Variants in AGAP3 observed in about 807,000 individuals in gnomAD.
The protein encoded by AGAP3 is ArfGAP with GTPase domain, ankyrin repeat and PH domain 3, also known as arf-GAP with GTPase, ANK repeat and PH domain-containing protein 3.
AGAP3 carries 24 observed loss-of-function variants against 96.9 expected under a neutral mutation model. The ratio of observed to expected loss-of-function variants is 0.25; its 90% CI spans 0.18 to 0.35. The LOEUF is 0.35. AGAP3 is among the 10% of genes least tolerant of loss of function. AGAP3 has a pLI of 1.00. For missense variants in AGAP3, 876 were observed against 1,254.2 expected (o/e 0.70, Z 4.55); for synonymous variants, 563 against 536.1 (o/e 1.05, Z -0.69).
chr7:151,100,882 T>C (rs1051397090), intron 1 of AGAP3, among the ~76,000 whole-genome samples: 4 of 152,142 alleles, frequency 2.6e-5, no homozygotes, highest in African/African-American at 9.7e-5. Context: ...TAGACCTGGC[T>C]CTGTCAGGAC....
chr7:151,126,366 A>AGAGCG (rs1253197109), intron 9 of AGAP3, among the ~76,000 whole-genome samples: 3 of 36,516 alleles, frequency 8.2e-5, no homozygotes, highest in Admixed American at 6.4e-4. Flanking sequence ...GGAGCAGAGC[A>AGAGCG]GAGCGGAGCG....
At chr7:151,088,996 G>A (rs528699857) in intron 1 of AGAP3, among the ~76,000 whole-genome samples, 3 of 151,986 alleles carry the variant, frequency 2.0e-5, no homozygotes, top group African/African-American at 7.3e-5. Flanking sequence ...CGACCCAGCC[G>A]CGGCTCACAC....
At chr7:151,128,513 G>T in intron 9 of AGAP3, 67 bp from the exon 10 acceptor site, 2 of 1,381,720 alleles carry the variant, frequency 1.4e-6, no homozygotes, top group South Asian at 2.4e-5. Flanking sequence ...TGACGACATC[G>T]TGACCTCCTC....
At chr7:151,090,284 G>GGT (rs1798339831) in intron 1 of AGAP3, 1 of 151,460 alleles carries the variant, frequency 6.6e-6, no homozygotes, top group Admixed American at 6.6e-5. Context: ...CTGACTATTA[G>GGT]GTGTGTGTGC....
intron 1 of AGAP3, among the ~76,000 whole-genome samples, chr7:151,088,355 T>C (rs1000836279): frequency 6.6e-6 from 1 of 152,236 alleles, no homozygotes; most frequent in African/African-American, 2.4e-5. Flanking sequence ...CTGAGTTCTC[T>C]GTGAACTAAT....
chr7:151,124,007 C>T (rs1024493548), intron 9 of AGAP3, 121 bp downstream of exon 9: 2 of 1,012,942 alleles, frequency 2.0e-6, no homozygotes, highest in Non-Finnish European at 1.4e-6. Context: ...CCAGCACCAC[C>T]CTCCTAGGCG....
intron 11 of AGAP3, among the ~76,000 whole-genome samples, chr7:151,135,635 A>G (rs1008821599): frequency 4.6e-5 from 7 of 152,192 alleles, no homozygotes; most frequent in Non-Finnish European, 1.0e-4. Flanking sequence ...CACCTGAACC[A>G]GGTGTGCTGG....
At chr7:151,107,866 C>T (rs750838880) in intron 1 of AGAP3, among the ~76,000 whole-genome samples, 2 of 152,238 alleles carry the variant, frequency 1.3e-5, no homozygotes, top group African/African-American at 2.4e-5. Context: ...GGCATAGAGC[C>T]GTACGATGCT....
Position 151,118,699 on chromosome 7 carries a change from C to T in AGAP3, c.969+67C>T. On this transcript the variant is annotated intron_variant, in intron 7 of 17. Coordinates refer to ENST00000397238, the MANE Select transcript of AGAP3 (RefSeq NM_031946.7). The surrounding 1 kb of genome is among the most constrained non-coding windows in gnomAD (Gnocchi z 6.1). ...GTCTGTCTTGCCTCTGTGCGTCCTGCCACTTCTGCTGGCCTCCTGCTCACA... is the reference window on the plus strand; with the variant it reads ...GTCTGTCTTGCCTCTGTGCGTCCTGTCACTTCTGCTGGCCTCCTGCTCACA... The T allele has an allele frequency of 1.3e-6, 2 of 1,574,208 alleles. No individual in the cohort carries two copies. Among genetic ancestry groups the T allele is most frequent in the Non-Finnish European group, 1.7e-6 (2 of 1,158,112 alleles).
At chr7:151,122,280 G>A (rs1799932399) in intron 8 of AGAP3, among the ~76,000 whole-genome samples, 1 of 152,216 alleles carries the variant, frequency 6.6e-6, no homozygotes, top group Admixed American at 6.5e-5. Context: ...GCTGCTGGGT[G>A]GCACTTTGCT....
At chr7:151,123,627 C>T (rs1166997354) in intron 8 of AGAP3, 167 bp from the exon 9 acceptor site, 2 of 1,461,396 alleles carry the variant, frequency 1.4e-6, no homozygotes, top group African/African-American at 1.4e-5. Context: ...AGAATAAACC[C>T]GTTGGAATAC....
At chr7:151,111,039 C>T (rs1307572399) in intron 1 of AGAP3, among the ~76,000 whole-genome samples, 4 of 152,126 alleles carry the variant, frequency 2.6e-5, no homozygotes, top group Non-Finnish European at 2.9e-5. Flanking sequence ...CCCCGCCCCC[C>T]GTCTTCTCCT....
intron 1 of AGAP3, among the ~76,000 whole-genome samples, chr7:151,095,344 C>T (rs930037085): frequency 1.3e-5 from 2 of 152,214 alleles, no homozygotes; most frequent in Non-Finnish European, 2.9e-5. Flanking sequence ...CGCTCCATAC[C>T]GTAGCCCCAG....
chr7:151,124,267 C>T (rs1800065485), intron 9 of AGAP3, among the ~76,000 whole-genome samples: 1 of 152,188 alleles, frequency 6.6e-6, no homozygotes, highest in African/African-American at 2.4e-5. Context: ...AGGGCTAGTC[C>T]AGCGCTAGGT....
At chr7:151,115,197 C>T in intron 1 of AGAP3, 1 of 1,008,484 alleles carries the variant, frequency 9.9e-7, no homozygotes, top group Non-Finnish European at 1.2e-6. Context: ...CGCCGAGGCG[C>T]CGGGCGCGGG....
At chr7:151,128,501 C>T (rs1365929390) in intron 9 of AGAP3, 79 bp from the exon 10 acceptor site, 4 of 1,218,764 alleles carry the variant, frequency 3.3e-6, no homozygotes, top group Admixed American at 1.8e-5. Context: ...GAGGGCATTG[C>T]CTGACGACAT....
chr7:151,086,394 C>T (rs1284053687), upstream of AGAP3, among the ~76,000 whole-genome samples: 20 of 73,654 alleles, frequency 2.7e-4, no homozygotes, highest in African/African-American at 9.5e-4. Context: ...GCTCGGGCTG[C>T]GTGTGCCGGA....
At position 151,120,144 on chromosome 7, in the gene AGAP3, C is replaced by T. The variant is rs1236881249; in HGVS notation, c.1127C>T (p.Thr376Met). 5 of 1,599,366 alleles carry T rather than the reference C, an allele frequency of 3.1e-6. No individual in the cohort carries two copies. The highest frequency in any genetic ancestry group is 3.4e-6 in the Non-Finnish European group (4 of 1,170,700). Reference sequence around the variant, plus strand: ...TCCAAGCGGCGCTCCAACATCTTCACGGTACGTGACTGCCCTCCTCCCCCG... The same window carrying T: ...TCCAAGCGGCGCTCCAACATCTTCATGGTACGTGACTGCCCTCCTCCCCCG... The part of the protein sequence containing the change: ...KQSKRRSNIF[T>M]SRKGADLDRE... The change falls in exon 8 of 18, where the codon ACG (threonine) becomes ATG (methionine). Residue 376 changes from threonine (T) to methionine (M), a missense_variant and splice_region_variant. Around this residue, in one of 8 missense-constraint regions of AGAP3, gnomAD observed 100 missense variants for 129.4 expected, o/e 0.77. Transcript: ENST00000397238.
intron 10 of AGAP3, among the ~76,000 whole-genome samples, chr7:151,131,503 A>G (rs975455321): frequency 1.8e-4 from 27 of 152,244 alleles, no homozygotes; most frequent in African/African-American, 5.1e-4. Flanking sequence ...CACCGCCACC[A>G]TGCTCCCCGT....
Sources: allele counts gnomAD v4.1 joint callset (sites outside exome capture counted in the v4.1 genomes callset), GRCh38; gene constraint gnomAD v4.1.1; regional missense constraint gnomAD v4.1.1; non-coding constraint Gnocchi (gnomAD v3.1); transcripts MANE v1.5; gene names NCBI Gene and HGNC (gene_info 2026-07-23, HGNC 2026-07-21).